The following DENND4A variants were observed in gnomAD, a reference collection of about 807,000 sequenced individuals.
DENND4A encodes the protein DENN domain containing 4A, also known as C-myc promoter-binding protein.
Under a neutral mutation model 199.3 loss-of-function variants are expected in DENND4A, and 70 were observed. That is an observed-to-expected ratio of 0.35 (90% CI 0.29 to 0.43). The LOEUF is 0.43. Among genes scored for constraint, DENND4A ranks in the 20% least tolerant of loss-of-function variants. DENND4A has a pLI of 1.00. For synonymous variants in DENND4A, 686 were observed against 766.9 expected (o/e 0.89, Z 1.74); for missense variants, 1,723 against 2,255.8 (o/e 0.76, Z 4.78).
chr15:65,730,657 T>C (rs578064729), intron 9 of DENND4A, among the ~76,000 whole-genome samples: 1 of 152,168 alleles, frequency 6.6e-6, no homozygotes, highest in South Asian at 2.1e-4. Flanking sequence ...ATGTACAGTA[T>C]AGACAGATCT....
intron 23 of DENND4A, among the ~76,000 whole-genome samples, chr15:65,678,395 C>T (rs1019758421): frequency 3.9e-5 from 6 of 152,046 alleles, no homozygotes; most frequent in Non-Finnish European, 7.4e-5. Context: ...AGAACTGATA[C>T]CTTTACAAGA....
chr15:65,714,215 T>C (rs2140243286), intron 14 of DENND4A, among the ~76,000 whole-genome samples: 1 of 151,942 alleles, frequency 6.6e-6, no homozygotes, highest in Non-Finnish European at 1.5e-5. Flanking sequence ...ATCAAGACCA[T>C]CCTGGCTAAC....
chr15:65,721,744 G>A (rs1178849322), intron 12 of DENND4A, among the ~76,000 whole-genome samples: 2 of 152,194 alleles, frequency 1.3e-5, no homozygotes, highest in East Asian at 3.9e-4. Context: ...CTCCCAAGCA[G>A]TTGAGACTAC....
At chr15:65,746,673 C>G (rs930031119) in intron 4 of DENND4A, among the ~76,000 whole-genome samples, 3 of 151,254 alleles carry the variant, frequency 2.0e-5, no homozygotes, top group Admixed American at 6.6e-5. Context: ...GGTCACAGCA[C>G]CCGGCTCAAT....
intron 20 of DENND4A, among the ~76,000 whole-genome samples, chr15:65,699,631 A>T (rs2077279027): frequency 6.7e-6 from 1 of 148,802 alleles, no homozygotes; most frequent in African/African-American, 2.4e-5. Context: ...TTATACATAT[A>T]CTACTACACA....
At chr15:65,735,208 T>C (rs2076079434) in intron 7 of DENND4A, among the ~76,000 whole-genome samples, 1 of 151,930 alleles carries the variant, frequency 6.6e-6, no homozygotes. Context: ...TAAAACCCTG[T>C]CTCTACCAAA....
chr15:65,769,231 A>T (rs1439553659), intron 1 of DENND4A, among the ~76,000 whole-genome samples: 1 of 148,358 alleles, frequency 6.7e-6, no homozygotes, highest in Admixed American at 6.8e-5. Context: ...ACACACACAC[A>T]CACTCAACTG....
At chr15:65,696,176 T>TATA (rs2077138106) in intron 22 of DENND4A, 190 bp downstream of exon 22, 1 of 565,892 alleles carries the variant, frequency 1.8e-6, no homozygotes, top group Non-Finnish European at 2.8e-6. Context: ...TATGCCTTGC[T>TATA]ATAATACAAG....
In DENND4A at chr15:65,671,886, C is replaced by G; in HGVS notation, c.4370G>C (p.Gly1457Ala). Residue 1457 changes from glycine to alanine, a missense_variant and splice_region_variant, in exon 25 of 33, where the codon GGA (glycine) becomes GCA (alanine). Transcript: ENST00000443035. ...ISLESSASLE[G>A]SLSKFALPGK... is the part of the protein sequence containing the mutation. Reference sequence around the variant, plus strand: ...AGGTAAGGCAAACTTCGACAGAGATCCTGTTCATTAGTGAAAAACAAAGAA... The same window carrying G: ...AGGTAAGGCAAACTTCGACAGAGATGCTGTTCATTAGTGAAAAACAAAGAA... The G allele has an allele frequency of 6.3e-7, 1 of 1,581,124 alleles. No homozygotes were observed. The highest frequency in any genetic ancestry group is 1.7e-4 in the Middle Eastern group (1 of 6,010).
At chr15:65,788,227 C>T (rs2141017801) in intron 1 of DENND4A, among the ~76,000 whole-genome samples, 1 of 152,176 alleles carries the variant, frequency 6.6e-6, no homozygotes, top group South Asian at 2.1e-4. Context: ...CAGGCGCCTG[C>T]CACCACGCCC....
intron 32 of DENND4A, among the ~76,000 whole-genome samples, chr15:65,663,914 A>G (rs1362325674): frequency 6.6e-6 from 1 of 152,148 alleles, no homozygotes; most frequent in Non-Finnish European, 1.5e-5. Flanking sequence ...GGCCTCCCAA[A>G]GTGCTGGGAT....
chr15:65,749,691 C>T (rs117221351), intron 4 of DENND4A, among the ~76,000 whole-genome samples: 1,548 of 151,736 alleles, frequency 0.01, 20 homozygotes, highest in Non-Finnish European at 0.018. Context: ...CAAAGAAATG[C>T]AAATTAAAAT....
intron 20 of DENND4A, among the ~76,000 whole-genome samples, chr15:65,698,102 T>A (rs1015423855): frequency 2.6e-5 from 4 of 151,398 alleles, no homozygotes; most frequent in African/African-American, 9.7e-5. Context: ...AAATAAAAAA[T>A]AAAAAAAATT....
chr15:65,739,384 C>T (rs2076194099), intron 5 of DENND4A, among the ~76,000 whole-genome samples: 1 of 152,136 alleles, frequency 6.6e-6, no homozygotes, highest in Non-Finnish European at 1.5e-5. Context: ...ATAGTATCAA[C>T]TCAAGCTCAG....
At chr15:65,724,740 T>C (rs2075753443) in intron 11 of DENND4A, among the ~76,000 whole-genome samples, 1 of 152,204 alleles carries the variant, frequency 6.6e-6, no homozygotes, top group South Asian at 2.1e-4. Flanking sequence ...TGTGATTACA[T>C]TTACAATGTG....
intron 12 of DENND4A, chr15:65,719,104 T>G (rs2075520081): frequency 6.6e-6 from 1 of 150,982 alleles, no homozygotes; most frequent in Non-Finnish European, 1.5e-5. Flanking sequence ...GTGCACATAC[T>G]TGCTCTCACA....
intron 7 of DENND4A, 41 bp from the exon 8 acceptor site, chr15:65,732,859 G>T (rs746428977): frequency 8.2e-7 from 1 of 1,219,666 alleles, no homozygotes; most frequent in East Asian, 2.4e-5. Context: ...CAAAGTGAAC[G>T]TCATATGCTA....
intron 22 of DENND4A, among the ~76,000 whole-genome samples, chr15:65,691,876 A>G (rs1352279334): frequency 1.3e-5 from 2 of 151,900 alleles, no homozygotes; most frequent in Admixed American, 1.3e-4. Context: ...TTTAATAATG[A>G]ATTTATATTA....
At chr15:65,694,955 TAAG>T (rs2077093398) in intron 22 of DENND4A, among the ~76,000 whole-genome samples, 1 of 151,974 alleles carries the variant, frequency 6.6e-6, no homozygotes, top group Admixed American at 6.6e-5. Flanking sequence ...ACACAGATCT[TAAG>T]AGGAGGGCAA....
Sources: allele counts gnomAD v4.1 joint callset (sites outside exome capture counted in the v4.1 genomes callset), GRCh38; gene constraint gnomAD v4.1.1; transcripts MANE v1.5; gene names NCBI Gene and HGNC (gene_info 2026-07-23, HGNC 2026-07-21).